The following HK2 variants were observed in gnomAD, a reference collection of about 807,000 sequenced individuals.
HK2 encodes the protein hexokinase 2.
Under a neutral mutation model 92.9 loss-of-function variants are expected in HK2, and 42 were observed. That is an observed-to-expected ratio of 0.45 (90% confidence interval 0.35 to 0.58). The LOEUF is 0.58. Among genes scored for constraint, HK2 ranks in the 20% least tolerant of loss-of-function variants. HK2 has a pLI of 0.00. For synonymous variants in HK2, 422 were observed against 468.0 expected (o/e 0.90, Z 1.27); for missense variants, 978 against 1,245.1 (o/e 0.79, Z 3.23).
chr2:74,844,878 T>C (rs1648665701), intron 1 of HK2, among the ~76,000 whole-genome samples: 1 of 152,102 alleles, frequency 6.6e-6, no homozygotes, highest in Non-Finnish European at 1.5e-5. Context: ...AAGTTACTTG[T>C]CAACTTTTCT....
chr2:74,867,605 A>G, intron 2 of HK2, 31 bp from the exon 3 acceptor site: 10 of 1,611,900 alleles, frequency 6.2e-6, no homozygotes, highest in Non-Finnish European at 8.5e-6. Flanking sequence ...ATTTTGCCCA[A>G]AATTAATAGT....
intron 7 of HK2, among the ~76,000 whole-genome samples, chr2:74,874,684 G>A (rs1689184293): frequency 6.6e-6 from 1 of 152,224 alleles, no homozygotes; most frequent in South Asian, 2.1e-4. Flanking sequence ...AGTCATTTTG[G>A]AAGGTTCTAT....
chr2:74,879,233 G>A lies in HK2; in HGVS notation c.1265+312G>A, dbSNP rs184337310. Among the ~76,000 whole-genome samples, 17 of 152,262 alleles carry A rather than the reference G, an allele frequency of 1.1e-4. No homozygotes were observed. In the East Asian group the frequency reaches 3.3e-3, roughly 29 times the overall value. ...CCTGTCTTTACTCTTAGAATTCTTG[G>A]TGATTCCTGCAGGTGCTATGTCCTC... On this transcript the variant is annotated intron_variant, in intron 9 of 17. Transcript: ENST00000290573.
rs533251632 is a variant in HK2 at position 74,892,165 on chromosome 2, G to A, written c.*1224G>A. 6.6e-6 allele frequency: 1 copy of A among 152,582 alleles called. No homozygotes were observed. Among genetic ancestry groups the A allele is most frequent in the Middle Eastern group, 3.4e-3 (1 of 294 alleles). 9.5% of individuals were successfully genotyped at this position (152,582 alleles called of 1,614,324 possible). ...AGGAATCGTTTCAAATGGACTCATGGCTTAGAAATCTTTATTCTTAGGGCA... is the reference window on the plus strand; with the variant it reads ...AGGAATCGTTTCAAATGGACTCATGACTTAGAAATCTTTATTCTTAGGGCA... On this transcript the variant is annotated 3_prime_UTR_variant, in exon 18 of 18. Transcript: ENST00000290573.
intron 1 of HK2, among the ~76,000 whole-genome samples, chr2:74,839,990 C>G (rs1688265231): frequency 2.7e-5 from 3 of 112,774 alleles, no homozygotes; most frequent in South Asian, 3.3e-4. Flanking sequence ...GAGTCTCACT[C>G]TGTCGCCCAG....
Position 74,840,372 on chromosome 2 carries a change from A to G in HK2, c.63+5729A>G, listed in dbSNP as rs115159606. Among the ~76,000 whole-genome samples the G allele has an allele frequency of 6.9e-3, 1,053 of 151,862 alleles. 15 individuals carry two copies. Among genetic ancestry groups the G allele is most frequent in the African/African-American group, 0.024 (1,005 of 41,370 alleles). On this transcript the variant is annotated intron_variant, in intron 1 of 17. Coordinates refer to ENST00000290573, the MANE Select transcript of HK2 (RefSeq NM_000189.5). ...GGGGGGAATCAGAGCAACACAAACC[A>G]CAGTTGGCAATGGGAGTAAGGAGAT...
chr2:74,843,327 G>T (rs1040463041), intron 1 of HK2, among the ~76,000 whole-genome samples: 7 of 152,094 alleles, frequency 4.6e-5, no homozygotes, highest in African/African-American at 1.4e-4. Context: ...AGCCCAGGGG[G>T]ATTCTGCATG....
At chr2:74,862,505 C>T (rs1263703382) in intron 2 of HK2, among the ~76,000 whole-genome samples, 1 of 152,162 alleles carries the variant, frequency 6.6e-6, no homozygotes, top group East Asian at 1.9e-4. Context: ...AGATATCGGG[C>T]CATATAATGC....
intron 2 of HK2, among the ~76,000 whole-genome samples, chr2:74,862,524 G>C (rs535316633): frequency 6.6e-6 from 1 of 152,350 alleles, no homozygotes; most frequent in East Asian, 1.9e-4. Flanking sequence ...GCAAGCACAT[G>C]ATGTGATAAA....
chr2:74,857,946 C>T (rs981001228), intron 2 of HK2, among the ~76,000 whole-genome samples: 2 of 152,146 alleles, frequency 1.3e-5, no homozygotes, highest in Non-Finnish European at 2.9e-5. Flanking sequence ...ACAGAAGGCT[C>T]GAGGCCTTTT....
At chr2:74,884,347 C>T (rs1358009955) in intron 12 of HK2, among the ~76,000 whole-genome samples, 1 of 152,254 alleles carries the variant, frequency 6.6e-6, no homozygotes, top group Non-Finnish European at 1.5e-5. Flanking sequence ...GCAGAGGCCC[C>T]TGGGGTTAGA....
chr2:74,845,414 C>T (rs1296655094), intron 1 of HK2, among the ~76,000 whole-genome samples: 1 of 152,250 alleles, frequency 6.6e-6, no homozygotes, highest in Non-Finnish European at 1.5e-5. Flanking sequence ...GCAGTCAGAA[C>T]AGAATGTCTG....
intron 3 of HK2, among the ~76,000 whole-genome samples, chr2:74,871,472 G>C (rs925309805): frequency 6.6e-6 from 1 of 152,174 alleles, no homozygotes; most frequent in African/African-American, 2.4e-5. Flanking sequence ...CTCTTTGAGC[G>C]TGTAGGGTGG....
At chr2:74,887,604 G>A (rs918169318) in intron 15 of HK2, among the ~76,000 whole-genome samples, 2 of 151,870 alleles carry the variant, frequency 1.3e-5, no homozygotes, top group Non-Finnish European at 1.5e-5. Context: ...TTGAAATTTC[G>A]AAATAAGCCT....
rs532446601 is a variant in HK2, at chr2:74,848,638, G to A, written c.64-5655G>A. On this transcript the variant is annotated intron_variant, in intron 1 of 17. Transcript: ENST00000290573. ...ACATTGAAATTTAAGGTTTCGTTTC[G>A]TCTACACTTCCCTTTTAAAACCCTT... 4.6e-5 allele frequency among the ~76,000 whole-genome samples: 7 copies of A among 152,218 alleles called. No homozygotes were observed. In the East Asian group the frequency reaches 5.8e-4, roughly 13 times the overall value.
intron 15 of HK2, 76 bp downstream of exon 15, chr2:74,886,749 G>T (rs1247865641): frequency 4.8e-6 from 7 of 1,455,026 alleles, no homozygotes; most frequent in African/African-American, 4.2e-5. Context: ...TTCCACAATG[G>T]CATCTCCCAG....
chr2:74,838,601 C>G (rs13020188), intron 1 of HK2, among the ~76,000 whole-genome samples: 26,105 of 149,228 alleles, frequency 0.17, 2,389 homozygotes, highest in East Asian at 0.25. Context: ...TGCAGTGGCG[C>G]AATCTCAGCT....
intron 1 of HK2, among the ~76,000 whole-genome samples, chr2:74,837,697 GAC>G (rs1688201463): frequency 9.5e-6 from 1 of 105,054 alleles, no homozygotes; most frequent in African/African-American, 3.7e-5. Context: ...TTTTTTTTGA[GAC>G]ACAGTTTCAC....
intron 2 of HK2, among the ~76,000 whole-genome samples, chr2:74,867,200 G>T (rs1460579167): frequency 6.6e-6 from 1 of 151,362 alleles, no homozygotes; most frequent in Admixed American, 6.6e-5. Context: ...GCCATAAAAA[G>T]GAACAAATTA....
Sources: allele counts gnomAD v4.1 joint callset (sites outside exome capture counted in the v4.1 genomes callset), GRCh38; gene constraint gnomAD v4.1.1; transcripts MANE v1.5; gene names NCBI Gene and HGNC (gene_info 2026-07-23, HGNC 2026-07-21).